FHOD3: variants seen among roughly 807,000 people sequenced by gnomAD.
The protein encoded by FHOD3 is formin homology 2 domain containing 3.
Under a neutral mutation model 173.0 loss-of-function variants are expected in FHOD3, and 90 were observed. The ratio of observed to expected loss-of-function variants is 0.52; its 90% confidence interval spans 0.44 to 0.62. FHOD3 has a LOEUF of 0.62. Ranked by LOEUF, FHOD3 falls within the 20% of genes least tolerant of loss-of-function variation. The pLI, the probability that FHOD3 is intolerant of heterozygous loss-of-function variation, is 0.00. For synonymous variants in FHOD3, 828 were observed against 823.0 expected (o/e 1.01, Z -0.10); for missense variants, 1,945 against 2,034.7 (o/e 0.96, Z 0.85).
At chr18:36,316,927 T>C (rs868823533) in intron 1 of FHOD3, among the ~76,000 whole-genome samples, 2 of 143,300 alleles carry the variant, frequency 1.4e-5, no homozygotes, top group South Asian at 2.5e-4. Context: ...CCTGTGTCCA[T>C]GTGTACTCAT....
At chr18:36,568,612 A>C (rs563940697) in intron 5 of FHOD3, among the ~76,000 whole-genome samples, 1 of 152,070 alleles carries the variant, frequency 6.6e-6, no homozygotes, top group South Asian at 2.1e-4. Context: ...TAGTACACAT[A>C]CAGAGCTCAA....
chr18:36,595,708 T>C (rs2030236335), intron 7 of FHOD3, among the ~76,000 whole-genome samples: 1 of 152,248 alleles, frequency 6.6e-6, no homozygotes, highest in African/African-American at 2.4e-5. Flanking sequence ...AACGAGCTTC[T>C]GCTCTGGTTT....
chr18:36,748,382 A>AACACAC (rs532609709), intron 24 of FHOD3, among the ~76,000 whole-genome samples: 2,465 of 143,526 alleles, frequency 0.017, 39 homozygotes, highest in African/African-American at 0.04. Context: ...ACACACACAC[A>AACACAC]ACACACACAC....
intron 3 of FHOD3, among the ~76,000 whole-genome samples, chr18:36,383,866 G>A (rs1246903288): frequency 1.3e-5 from 2 of 152,182 alleles, no homozygotes; most frequent in Non-Finnish European, 2.9e-5. Context: ...CCTGACTGCA[G>A]GGTGTTGTGT....
At chr18:36,393,452 A>G (rs1028801971) in intron 3 of FHOD3, among the ~76,000 whole-genome samples, 1 of 152,128 alleles carries the variant, frequency 6.6e-6, no homozygotes, top group African/African-American at 2.4e-5. Flanking sequence ...TGCCAGTTGC[A>G]ATGCCCCTAA....
At position 36,652,653 on chromosome 18, in the gene FHOD3, C is replaced by G. The variant is rs2036141304; in HGVS notation, c.1370C>G (p.Ala457Gly). Residue 457 changes from alanine (A) to glycine (G), a missense_variant, in exon 12 of 29, where the codon GCC becomes GGC. Around this residue, in one of 5 missense-constraint regions of FHOD3, gnomAD observed 1,099 missense variants for 1,051.2 expected, o/e 1.05. Transcript: ENST00000590592. ...TCTGCCCTCCCTGCTGTCTCGAATG[C>G]CAGCTCGCAGGGAAAGCCGCTTCTG... ...KSSALPAVSN[A>G]SSQGKPLLVG... 3 of 1,535,616 alleles carry G rather than the reference C, an allele frequency of 2.0e-6. No individual in the cohort carries two copies. The highest frequency in any genetic ancestry group is 2.6e-6 in the Non-Finnish European group (3 of 1,146,686).
chr18:36,693,293 C>T lies in FHOD3; in HGVS notation c.2106C>T (p.Leu702=). The T allele has an allele frequency of 6.2e-7, 1 of 1,613,900 alleles. No homozygotes were observed. The highest frequency in any genetic ancestry group is 8.5e-7 in the Non-Finnish European group (1 of 1,179,862). The part of the protein sequence containing the change: ...SRSVSRGRAD[L]SLDLTSPAAP... The stretch of plus-strand genomic sequence containing the variant: ...GTGTGAGCCGGGGCAGAGCCGACCT[C>T]TCCTTGGACCTGACCTCGCCAGCAG... The change falls in exon 17 of 29, where the codon CTC becomes CTT. Residue 702 remains leucine (L), a synonymous_variant. Transcript: ENST00000590592.
At chr18:36,767,606 C>T (rs1351831224) in intron 27 of FHOD3, among the ~76,000 whole-genome samples, 1 of 152,166 alleles carries the variant, frequency 6.6e-6, no homozygotes, top group Non-Finnish European at 1.5e-5. Context: ...AGACGTGAGC[C>T]ACTGCACCCA....
At chr18:36,690,322 A>G (rs2038880422) in intron 16 of FHOD3, among the ~76,000 whole-genome samples, 1 of 152,166 alleles carries the variant, frequency 6.6e-6, no homozygotes, top group South Asian at 2.1e-4. Context: ...CAAAAGTAGG[A>G]AGTCTTTTCT....
chr18:36,529,756 C>T (rs564176961), intron 5 of FHOD3, among the ~76,000 whole-genome samples: 9 of 152,056 alleles, frequency 5.9e-5, no homozygotes, highest in East Asian at 3.9e-4. Context: ...GCTGAGATCG[C>T]GCCACTGCAC....
intron 3 of FHOD3, among the ~76,000 whole-genome samples, chr18:36,407,782 T>C (rs1393900708): frequency 6.6e-6 from 1 of 152,332 alleles, no homozygotes. Context: ...GTTCTGTCAG[T>C]CAGTGGTTGG....
intron 1 of FHOD3, among the ~76,000 whole-genome samples, chr18:36,345,554 T>C (rs957094645): frequency 9.2e-5 from 14 of 152,178 alleles, no homozygotes; most frequent in Admixed American, 6.5e-4. Flanking sequence ...TCCTCCTGCC[T>C]TAGCCTTCTG....
At chr18:36,380,660 C>T (rs548925027) in intron 3 of FHOD3, among the ~76,000 whole-genome samples, 20 of 126,620 alleles carry the variant, frequency 1.6e-4, no homozygotes, top group Non-Finnish European at 3.2e-4. Context: ...CTCTTTCTTT[C>T]TTTTCAGAGT....
chr18:36,701,297 A>C (rs1279285815), intron 17 of FHOD3, among the ~76,000 whole-genome samples: 1 of 152,206 alleles, frequency 6.6e-6, no homozygotes, highest in African/African-American at 2.4e-5. Context: ...TATAATTAAT[A>C]GAGAGGAAAC....
chr18:36,375,242 G>A (rs751387560), intron 3 of FHOD3, among the ~76,000 whole-genome samples: 3 of 152,184 alleles, frequency 2.0e-5, no homozygotes, highest in Non-Finnish European at 2.9e-5. Flanking sequence ...AATATGACAA[G>A]GAGAAAATAA....
At chr18:36,432,204 C>T (rs1043935117) in intron 3 of FHOD3, among the ~76,000 whole-genome samples, 3 of 152,056 alleles carry the variant, frequency 2.0e-5, no homozygotes, top group African/African-American at 4.8e-5. Flanking sequence ...TATTTTTGCC[C>T]GTGTTGTTTT....
intron 7 of FHOD3, among the ~76,000 whole-genome samples, chr18:36,598,581 C>T (rs533514159): frequency 1.3e-3 from 198 of 151,534 alleles, no homozygotes; most frequent in African/African-American, 4.5e-3. Flanking sequence ...TAGACGGAGT[C>T]TTGCTGTGTC....
chr18:36,770,158 G>C (rs1405782963), intron 28 of FHOD3, among the ~76,000 whole-genome samples: 1 of 152,212 alleles, frequency 6.6e-6, no homozygotes, highest in Non-Finnish European at 1.5e-5. Context: ...CTGTGGCCTT[G>C]AGTGTTTCAG....
intron 1 of FHOD3, among the ~76,000 whole-genome samples, chr18:36,336,715 G>T (rs2045330771): frequency 6.6e-6 from 1 of 150,540 alleles, no homozygotes; most frequent in Non-Finnish European, 1.5e-5. Context: ...CAGATGTGGT[G>T]ACATGCACCT....
Sources: allele counts gnomAD v4.1 joint callset (sites outside exome capture counted in the v4.1 genomes callset), GRCh38; gene constraint gnomAD v4.1.1; regional missense constraint gnomAD v4.1.1; transcripts MANE v1.5; gene names NCBI Gene and HGNC (gene_info 2026-07-23, HGNC 2026-07-21).